SOX6: variants seen among roughly 807,000 people sequenced by gnomAD.
SOX6 encodes transcription factor SOX-6.
A neutral mutation model predicts 97.8 loss-of-function variants in SOX6; 11 were observed. That is an observed-to-expected ratio of 0.11 (90% CI 0.07 to 0.19). The LOEUF (loss-of-function observed/expected upper bound fraction) is 0.19, where lower values mean the gene tolerates loss of function less well. SOX6 is among the 10% of genes least tolerant of loss of function. The probability of loss-of-function intolerance (pLI) is 1.00; values close to 1 mark genes in which losing one functional copy is unlikely to be tolerated. For synonymous variants in SOX6, 360 were observed against 371.4 expected, an observed-to-expected ratio of 0.97 and a Z score of 0.35; for missense variants, 810 against 1,039.5, an observed-to-expected ratio of 0.78 and a Z score of 3.04.
chr11:16,363,964 T>C (rs1378528315), intron 1 of SOX6, among the ~76,000 whole-genome samples: 3 of 152,132 alleles, frequency 2.0e-5, no homozygotes, highest in Non-Finnish European at 4.4e-5. Context: ...CAGATGTTCT[T>C]TTCCATCACC....
At chr11:16,608,199 G>A (rs1275808073) in intron 4 of SOX6, among the ~76,000 whole-genome samples, 2 of 151,936 alleles carry the variant, frequency 1.3e-5, no homozygotes, top group Non-Finnish European at 2.9e-5. Flanking sequence ...GCGTGGAAAA[G>A]GTAGGCAACT....
chr11:16,024,068 T>A (rs1169958340), intron 12 of SOX6, among the ~76,000 whole-genome samples: 1 of 151,904 alleles, frequency 6.6e-6, no homozygotes, highest in Non-Finnish European at 1.5e-5. Flanking sequence ...TTAGGGTGGG[T>A]CCTAATCCAA....
At chr11:16,382,566 G>A (rs1429174694) in intron 1 of SOX6, among the ~76,000 whole-genome samples, 1 of 151,932 alleles carries the variant, frequency 6.6e-6, no homozygotes, top group Admixed American at 6.6e-5. Context: ...TTCAGCTGTT[G>A]AAAAGAACTG....
At chr11:16,697,307 A>G (rs572227165) in intron 3 of SOX6, among the ~76,000 whole-genome samples, 10 of 152,258 alleles carry the variant, frequency 6.6e-5, no homozygotes, top group African/African-American at 9.6e-5. Context: ...AAATGTTCTT[A>G]ATGGCATCTA....
At chr11:16,439,300 A>G (rs1039343136) in intron 1 of SOX6, among the ~76,000 whole-genome samples, 1 of 152,130 alleles carries the variant, frequency 6.6e-6, no homozygotes, top group Admixed American at 6.6e-5. Context: ...ATACAATTCT[A>G]TTTCTTTTAT....
chr11:16,691,102 G>A (rs1361217581), intron 3 of SOX6, among the ~76,000 whole-genome samples: 1 of 152,158 alleles, frequency 6.6e-6, no homozygotes, highest in African/African-American at 2.4e-5. Flanking sequence ...TCAAAATTGA[G>A]GATCATTCCT....
chr11:16,240,160 T>C (rs990137856), intron 3 of SOX6, among the ~76,000 whole-genome samples: 2 of 151,924 alleles, frequency 1.3e-5, no homozygotes, highest in African/African-American at 4.8e-5. Context: ...TGTGAAAAAA[T>C]AGATTTAGTT....
At chr11:16,486,885 A>G (rs913806406) in intron 4 of SOX6, among the ~76,000 whole-genome samples, 2 of 151,918 alleles carry the variant, frequency 1.3e-5, no homozygotes, top group South Asian at 4.1e-4. Context: ...AACTTAAAGT[A>G]TAATAATAAT....
At chr11:16,514,345 G>C (rs1405694028) in intron 4 of SOX6, among the ~76,000 whole-genome samples, 1 of 152,026 alleles carries the variant, frequency 6.6e-6, no homozygotes, top group Non-Finnish European at 1.5e-5. Flanking sequence ...ACTAAAAGTA[G>C]GTCAGCCCAA....
At chr11:16,043,584 G>C (rs1855740235) in intron 12 of SOX6, among the ~76,000 whole-genome samples, 1 of 152,158 alleles carries the variant, frequency 6.6e-6, no homozygotes, top group Admixed American at 6.6e-5. Flanking sequence ...ACACATATAT[G>C]ATTCTATAAG....
intron 2 of SOX6, among the ~76,000 whole-genome samples, chr11:16,323,631 T>A (rs1855987998): frequency 6.6e-6 from 1 of 152,124 alleles, no homozygotes; most frequent in South Asian, 2.1e-4. Flanking sequence ...CACCCCTGAC[T>A]ATACTGGACC....
At chr11:16,598,692 G>C (rs1195425192) in intron 4 of SOX6, among the ~76,000 whole-genome samples, 4 of 151,126 alleles carry the variant, frequency 2.6e-5, no homozygotes, top group African/African-American at 7.3e-5. Flanking sequence ...TCTACATATG[G>C]GGCTTGTGTG....
chr11:16,033,206 CAAT>C (rs1297158506), intron 12 of SOX6, among the ~76,000 whole-genome samples: 2 of 152,164 alleles, frequency 1.3e-5, no homozygotes, highest in African/African-American at 4.8e-5. Flanking sequence ...TTGCAAACAA[CAAT>C]AAGGGAACCA....
chr11:16,691,014 G>A (rs756443251), intron 3 of SOX6, among the ~76,000 whole-genome samples: 4 of 152,190 alleles, frequency 2.6e-5, no homozygotes, highest in Non-Finnish European at 5.9e-5. Flanking sequence ...CAGGATAGGG[G>A]AAACTACGAG....
intron 10 of SOX6, among the ~76,000 whole-genome samples, chr11:16,055,489 A>G (rs1207730870): frequency 6.6e-6 from 1 of 152,214 alleles, no homozygotes; most frequent in Admixed American, 6.5e-5. Context: ...ATCATTAAAA[A>G]ATAAAAGCCA....
intron 3 of SOX6, among the ~76,000 whole-genome samples, chr11:16,661,298 A>AAGG (rs1847763865): frequency 1.3e-5 from 2 of 152,138 alleles, no homozygotes; most frequent in African/African-American, 4.8e-5. Context: ...AGTACGGTAT[A>AAGG]TCTTTATCTC....
At chr11:16,009,439 C>T (rs1854647084) in intron 13 of SOX6, among the ~76,000 whole-genome samples, 1 of 152,050 alleles carries the variant, frequency 6.6e-6, no homozygotes, top group African/African-American at 2.4e-5. Flanking sequence ...AAGCAAATAT[C>T]TGAAGGGGTG....
chr11:15,979,879 C>A (rs1853609703), intron 15 of SOX6, among the ~76,000 whole-genome samples: 1 of 152,084 alleles, frequency 6.6e-6, no homozygotes, highest in Non-Finnish European at 1.5e-5. Flanking sequence ...TGTTCTAAGG[C>A]ACCTCTCACT....
chr11:16,281,835 C>T (rs965201070), intron 3 of SOX6, among the ~76,000 whole-genome samples: 1 of 151,372 alleles, frequency 6.6e-6, no homozygotes, highest in Non-Finnish European at 1.5e-5. Context: ...TCTTCAGATT[C>T]CAAAAAAGTC....
Sources: allele counts gnomAD v4.1 joint callset (sites outside exome capture counted in the v4.1 genomes callset), GRCh38; gene constraint gnomAD v4.1.1; transcripts MANE v1.5; gene names NCBI Gene and HGNC (gene_info 2026-07-23, HGNC 2026-07-21).